Variants in ESR1 observed in about 807,000 individuals in gnomAD.
The protein encoded by ESR1 is estrogen receptor.
In ESR1, 12 loss-of-function variants were observed where a neutral mutation model predicts 52.7. The ratio of observed to expected loss-of-function variants is 0.23; its 90% CI spans 0.15 to 0.37. The LOEUF (loss-of-function observed/expected upper bound fraction) is 0.37. Ranked by LOEUF, ESR1 falls within the 10% of genes least tolerant of loss-of-function variation. The probability of loss-of-function intolerance (pLI) is 1.00; values close to 1 mark genes in which losing one functional copy is unlikely to be tolerated. For missense variants in ESR1, 584 were observed against 779.7 expected (o/e 0.75, Z 2.99); for synonymous variants, 305 against 316.8 (o/e 0.96, Z 0.39).
In ESR1 at chr6:152,053,878, G is replaced by T. The variant is rs150090078; in HGVS notation, c.1236-7113G>T. On this transcript the variant is annotated intron_variant, in intron 5 of 7. Coordinates refer to ENST00000206249, the MANE Select transcript of ESR1 (RefSeq NM_000125.4). The surrounding 1 kb of genome is among the most constrained non-coding windows in gnomAD (Gnocchi z 4.1). ...ATTGTATGTGTAAGGATTTTTTCCT[G>T]CATACTTTTGTAAGTGTAGAAAATA... is the stretch of plus-strand genomic sequence containing the variant. Among the ~76,000 whole-genome samples the T allele has an allele frequency of 8.7e-4, 132 of 152,162 alleles. No individual in the cohort carries two copies. The highest frequency in any genetic ancestry group is 1.8e-3 in the Admixed American group (27 of 15,280).
At chr6:151,879,835 T>C (rs375909886) in intron 2 of ESR1, among the ~76,000 whole-genome samples, 1 of 152,248 alleles carries the variant, frequency 6.6e-6, no homozygotes, top group African/African-American at 2.4e-5. Flanking sequence ...ACTGAAGGAC[T>C]GAACTTCGTC....
intron 5 of ESR1, among the ~76,000 whole-genome samples, chr6:152,023,217 C>A (rs1159998249): frequency 3.3e-5 from 5 of 151,960 alleles, no homozygotes; most frequent in Non-Finnish European, 4.4e-5. Flanking sequence ...AACTATAAAC[C>A]AGCTCTTTGA....
chr6:152,052,473 T>C (rs1382208079), intron 5 of ESR1, among the ~76,000 whole-genome samples: 1 of 152,122 alleles, frequency 6.6e-6, no homozygotes, highest in Non-Finnish European at 1.5e-5. Context: ...ACAAAATAAA[T>C]AAATAAATAC....
intron 6 of ESR1, among the ~76,000 whole-genome samples, chr6:152,066,442 T>C (rs1374122182): frequency 6.6e-6 from 1 of 152,130 alleles, no homozygotes; most frequent in Non-Finnish European, 1.5e-5. Context: ...CAGTTGAAGG[T>C]TTCTGACAGG....
exon 7 of ESR1, chr6:152,126,584 C>T (rs725467): frequency 0.23 from 34,513 of 151,980 alleles, 4,056 homozygotes; most frequent in African/African-American, 0.28. Flanking sequence ...TAGTTCTGTC[C>T]AGCAAAAAAC....
intron 1 of ESR1, among the ~76,000 whole-genome samples, chr6:151,670,762 GTTTTTTTTTT>G (rs35606990): frequency 2.2e-4 from 19 of 85,782 alleles, no homozygotes; most frequent in Non-Finnish European, 2.1e-5. Flanking sequence ...TTTTGTTTTC[GTTTTTTTTTT>G]TTTTTTTTTT....
chr6:151,726,616 G>A (rs1023609197), intron 2 of ESR1, among the ~76,000 whole-genome samples: 2 of 152,172 alleles, frequency 1.3e-5, no homozygotes, highest in African/African-American at 4.8e-5. Flanking sequence ...GATTACAGGC[G>A]CAAGCCACAG....
At chr6:151,871,154 A>G (rs1790878749) in intron 2 of ESR1, among the ~76,000 whole-genome samples, 1 of 151,688 alleles carries the variant, frequency 6.6e-6, no homozygotes, top group Non-Finnish European at 1.5e-5. Flanking sequence ...CTTCAACTTC[A>G]TTTTAAAAAA....
In ESR1 at chr6:151,807,877, G is replaced by A; in HGVS notation, c.-36G>A. The A allele has an allele frequency of 6.3e-7, 1 of 1,591,520 alleles. No homozygotes were observed. The highest frequency in any genetic ancestry group is 8.6e-7 in the Non-Finnish European group (1 of 1,161,798). Reference sequence around the variant, plus strand: ...CGGTTTCTGAGCCTTCTGCCCTGCGGGGACACGGTCTGCACCCTGCCCGCG... The same window carrying A: ...CGGTTTCTGAGCCTTCTGCCCTGCGAGGACACGGTCTGCACCCTGCCCGCG... On this transcript the variant is annotated 5_prime_UTR_variant, in exon 1 of 8. Coordinates refer to ENST00000206249, the MANE Select transcript of ESR1 (RefSeq NM_000125.4).
intron 4 of ESR1, among the ~76,000 whole-genome samples, chr6:151,976,801 T>A (rs2039478742): frequency 6.6e-6 from 1 of 152,098 alleles, no homozygotes; most frequent in African/African-American, 2.4e-5. Flanking sequence ...GGGTATGCCC[T>A]TAACAGTAAA....
At chr6:151,714,018 C>G (rs1437408889) in intron 2 of ESR1, among the ~76,000 whole-genome samples, 1 of 152,082 alleles carries the variant, frequency 6.6e-6, no homozygotes, top group Non-Finnish European at 1.5e-5. Context: ...TAGCTGTGTC[C>G]CAGAGATTCT....
At chr6:151,793,063 C>T (rs6912696) in intron 2 of ESR1, among the ~76,000 whole-genome samples, 8,948 of 151,510 alleles carry the variant, frequency 0.059, 421 homozygotes, top group South Asian at 0.16. Context: ...CCCAGCTACT[C>T]GGGCGGCTGA....
intron 6 of ESR1, among the ~76,000 whole-genome samples, chr6:152,112,161 C>T (rs56097852): frequency 6.6e-6 from 1 of 152,142 alleles, no homozygotes; most frequent in African/African-American, 2.4e-5. Flanking sequence ...AGCAGAAAGA[C>T]CTGAACCCAA....
intron 5 of ESR1, among the ~76,000 whole-genome samples, chr6:152,047,683 T>G (rs538914639): frequency 6.6e-6 from 1 of 152,294 alleles, no homozygotes; most frequent in South Asian, 2.1e-4. Context: ...AAGCCCTGAT[T>G]TGGCCCCTAA....
intron 1 of ESR1, among the ~76,000 whole-genome samples, chr6:151,840,775 T>G (rs1199008886): frequency 6.6e-6 from 1 of 152,216 alleles, no homozygotes; most frequent in Non-Finnish European, 1.5e-5. Context: ...GGATTTTCAT[T>G]TTTTAAAAAA....
intron 4 of ESR1, among the ~76,000 whole-genome samples, chr6:152,010,972 ATTG>A (rs9340968): frequency 0.022 from 3,254 of 150,704 alleles, 105 homozygotes; most frequent in East Asian, 0.14. Flanking sequence ...CCTTCTCATT[ATTG>A]TTATTAGGTA....
At chr6:151,813,459 T>G (rs867266065) in intron 1 of ESR1, 8 of 152,208 alleles carry the variant, frequency 5.3e-5, no homozygotes, top group Admixed American at 3.9e-4. Context: ...ATGCCTCCTA[T>G]GGACCCTGGA....
chr6:152,049,316 T>G (rs1033555334), intron 5 of ESR1, among the ~76,000 whole-genome samples: 1 of 152,232 alleles, frequency 6.6e-6, no homozygotes, highest in Non-Finnish European at 1.5e-5. Flanking sequence ...TGTTAAGGCT[T>G]GTTCTATTTA....
chr6:151,726,987 C>G (rs1387289233), intron 2 of ESR1, among the ~76,000 whole-genome samples: 1 of 152,092 alleles, frequency 6.6e-6, no homozygotes, highest in Non-Finnish European at 1.5e-5. Flanking sequence ...GTTTGCTCTA[C>G]AGATTTCTGT....
Sources: gnomAD v4.1 joint callset for allele counts (sites outside exome capture counted in the v4.1 genomes callset) on GRCh38, gnomAD v4.1.1 for gene constraint, Gnocchi (gnomAD v3.1) non-coding constraint, MANE v1.5 for transcripts, NCBI Gene and HGNC (gene_info 2026-07-23, HGNC 2026-07-21) for gene names.